TNIP1: variants seen among roughly 807,000 people sequenced by gnomAD.
TNIP1 encodes the protein TNFAIP3-interacting protein 1.
A neutral mutation model predicts 86.6 loss-of-function variants in TNIP1; 22 were observed. The observed-to-expected ratio is 0.25, with a 90% CI of 0.18 to 0.36. The LOEUF (loss-of-function observed/expected upper bound fraction) is 0.36. TNIP1 is among the 10% of genes least tolerant of loss of function. The pLI, the probability that TNIP1 is intolerant of heterozygous loss-of-function variation, is 1.00. For missense variants in TNIP1, 709 were observed against 820.6 expected, an observed-to-expected ratio of 0.86 and a Z score of 1.66; for synonymous variants, 294 against 313.0, an observed-to-expected ratio of 0.94 and a Z score of 0.64.
rs1024208709 is a variant in TNIP1, at chr5:151,044,663, A to C, written c.936+1198T>G. The stretch of plus-strand genomic sequence containing the variant: ...GGCAGGCTCAGGGTTCTAGAGAAGC[A>C]CCTGGGCTGTGTGGAGAGGGGCTAG... On this transcript the variant is annotated intron_variant, in intron 9 of 17. Transcript: ENST00000521591. Among the ~76,000 whole-genome samples the C allele has an allele frequency of 7.2e-5, 11 of 152,228 alleles. 1 individual carries two copies. The highest frequency in any genetic ancestry group is 6.5e-4 in the Admixed American group (10 of 15,282).
Position 151,030,106 on chromosome 5 carries a change from G to T in TNIP1, c.*607C>A. The T allele has an allele frequency of 4.4e-6, 2 of 456,822 alleles. No individual in the cohort carries two copies. The highest frequency in any genetic ancestry group is 8.8e-6 in the Non-Finnish European group (2 of 226,960). The allele number at this position is 456,822 out of a possible 1,614,324, so 28.3% of individuals were successfully genotyped here. A position where few individuals can be genotyped will look rare whatever the true frequency, so the allele number is the denominator to read the frequency against. On this transcript the variant is annotated 3_prime_UTR_variant, in exon 18 of 18. Transcript: ENST00000521591. ...CAGCTTCAGGCTGGCGCCCCTCGGC[G>T]GACGTGGCTGGCATGGCCTTCTCCC...
At chr5:151,038,761 G>A (rs943136883) in intron 12 of TNIP1, among the ~76,000 whole-genome samples, 1 of 152,156 alleles carries the variant, frequency 6.6e-6, no homozygotes, top group African/African-American at 2.4e-5. Context: ...AGAAGTTGCT[G>A]GTACCTCAGG....
chr5:151,032,046 T>C (rs1469513204), intron 17 of TNIP1: 3 of 528,836 alleles, frequency 5.7e-6, no homozygotes, highest in Non-Finnish European at 6.7e-6. Context: ...CTGCTTCTGT[T>C]CTCTAGGCAT....
In TNIP1 at chr5:151,080,916, T is replaced by G. The variant is rs1421190665; in HGVS notation, c.-73A>C. 2 of 151,972 alleles carry G rather than the reference T, an allele frequency of 1.3e-5. No homozygotes were observed. Among genetic ancestry groups the G allele is most frequent in the Non-Finnish European group, 2.9e-5 (2 of 68,042 alleles). The allele number at this position is 151,972 out of a possible 1,614,324, so 9.4% of individuals were successfully genotyped here. ...GAGCTTGGGGACACAGCGCCCCGCT[T>G]GCTGCGTCCAGCCCCGAATCCAGGG... On this transcript the variant is annotated 5_prime_UTR_variant, in exon 1 of 18. Coordinates refer to ENST00000521591, the MANE Select transcript of TNIP1 (RefSeq NM_006058.5).
At chr5:151,074,477 G>C (rs1763158080) in intron 1 of TNIP1, among the ~76,000 whole-genome samples, 1 of 152,178 alleles carries the variant, frequency 6.6e-6, no homozygotes, top group African/African-American at 2.4e-5. Flanking sequence ...GAATGACCCT[G>C]GGTAGGCCTC....
chr5:151,043,585 G>A (rs909031505), intron 9 of TNIP1, among the ~76,000 whole-genome samples: 1 of 152,256 alleles, frequency 6.6e-6, no homozygotes, highest in African/African-American at 2.4e-5. Flanking sequence ...GACCAGCCTG[G>A]AGAATATGGC....
intron 3 of TNIP1, 64 bp from the exon 4 acceptor site, chr5:151,062,276 T>C: frequency 6.9e-7 from 1 of 1,458,916 alleles, no homozygotes. Flanking sequence ...TACCACCCTC[T>C]CAAGGACAGC....
At chr5:151,076,553 G>A (rs192073565) in intron 1 of TNIP1, among the ~76,000 whole-genome samples, 122 of 152,284 alleles carry the variant, frequency 8.0e-4, no homozygotes, top group South Asian at 1.2e-3. Flanking sequence ...GCGAACAGAC[G>A]TGCCCACAGC....
chr5:151,043,045 C>T, intron 9 of TNIP1, 84 bp from the exon 10 acceptor site: 1 of 1,400,738 alleles, frequency 7.1e-7, no homozygotes, highest in East Asian at 2.3e-5. Flanking sequence ...CACCAGCGTC[C>T]CAAGGTGTGC....
At chr5:151,070,122 T>G (rs934621255) in intron 1 of TNIP1, among the ~76,000 whole-genome samples, 7 of 152,210 alleles carry the variant, frequency 4.6e-5, no homozygotes, top group African/African-American at 1.7e-4. Context: ...GTGCCTCATC[T>G]GTAAAGCAGG....
intron 6 of TNIP1, among the ~76,000 whole-genome samples, chr5:151,053,722 C>A (rs1244293692): frequency 6.6e-6 from 1 of 152,236 alleles, no homozygotes; most frequent in South Asian, 2.1e-4. Flanking sequence ...CCATATACTG[C>A]CTCACTGGTG....
chr5:151,036,394 G>T (rs550288579), intron 13 of TNIP1, among the ~76,000 whole-genome samples: 1 of 152,102 alleles, frequency 6.6e-6, no homozygotes, highest in Non-Finnish European at 1.5e-5. Context: ...AAGAGTATCC[G>T]GCTAGAGTTT....
At chr5:151,032,029 A>T in intron 17 of TNIP1, 1 of 494,244 alleles carries the variant, frequency 2.0e-6, no homozygotes. Flanking sequence ...AAGGGCAAGG[A>T]CTGTATCTGC....
At chr5:151,046,164 G>A in intron 8 of TNIP1, 1 of 558,358 alleles carries the variant, frequency 1.8e-6, no homozygotes, top group Admixed American at 3.1e-5. Flanking sequence ...GACTCAGGGT[G>A]GCTGCCAGGC....
At chr5:151,057,326 CT>C (rs150637110) in intron 5 of TNIP1, among the ~76,000 whole-genome samples, 1,783 of 152,330 alleles carry the variant, frequency 0.012, 27 homozygotes, top group African/African-American at 0.041. Context: ...GAATTGACCC[CT>C]GACAGTAACA....
intron 1 of TNIP1, among the ~76,000 whole-genome samples, chr5:151,080,568 T>C (rs1365520926): frequency 6.6e-6 from 1 of 152,222 alleles, no homozygotes; most frequent in African/African-American, 2.4e-5. Context: ...CTCCACAGGA[T>C]AGACACCCAA....
chr5:151,072,868 C>T (rs1016877331), intron 1 of TNIP1, among the ~76,000 whole-genome samples: 1 of 152,188 alleles, frequency 6.6e-6, no homozygotes, highest in Admixed American at 6.5e-5. Context: ...AATGTCCTTT[C>T]TCAATGACAA....
At chr5:151,078,798 T>C (rs926294796) in intron 1 of TNIP1, among the ~76,000 whole-genome samples, 4 of 152,166 alleles carry the variant, frequency 2.6e-5, no homozygotes, top group South Asian at 2.1e-4. Context: ...CAGGCCAGCA[T>C]GGTGTGACCA....
At chr5:151,072,224 G>A (rs1206545896) in intron 1 of TNIP1, among the ~76,000 whole-genome samples, 1 of 152,178 alleles carries the variant, frequency 6.6e-6, no homozygotes, top group Non-Finnish European at 1.5e-5. Flanking sequence ...AAGCTCAGAG[G>A]TGGGAAACCA....
Sources: gnomAD v4.1 joint callset for allele counts (sites outside exome capture counted in the v4.1 genomes callset) on GRCh38, gnomAD v4.1.1 for gene constraint, MANE v1.5 for transcripts, NCBI Gene and HGNC (gene_info 2026-07-23, HGNC 2026-07-21) for gene names.